Variants in MAF observed in about 807,000 individuals in gnomAD.
MAF encodes the protein transcription factor Maf.
In MAF, 10 loss-of-function variants were observed where a neutral mutation model predicts 22.0. The observed-to-expected ratio is 0.45, with a 90% CI of 0.28 to 0.77. MAF has a LOEUF of 0.77. MAF is among the 30% of genes least tolerant of loss of function. The probability of loss-of-function intolerance (pLI) is 0.12; values close to 1 mark genes in which losing one functional copy is unlikely to be tolerated. For synonymous variants in MAF, 337 were observed against 255.8 expected (o/e 1.32, Z -3.03); for missense variants, 544 against 548.4 (o/e 0.99, Z 0.08).
the MAF span, among the ~76,000 whole-genome samples, chr16:79,526,999 CAT>C: frequency 1.3e-5 from 2 of 152,134 alleles, no homozygotes; most frequent in South Asian, 4.1e-4. Flanking sequence ...AAGAATGACT[CAT>C]AGAATTTCTG....
At chr16:79,249,278 A>G in the MAF span, among the ~76,000 whole-genome samples, 87,731 of 151,860 alleles carry the variant, frequency 0.58, 26,501 homozygotes, top group Non-Finnish European at 0.69. Context: ...AAGTAGCCGG[A>G]TGTGGTGGTG....
At chr16:79,478,284 T>C in the MAF span, among the ~76,000 whole-genome samples, 14 of 152,334 alleles carry the variant, frequency 9.2e-5, no homozygotes, top group East Asian at 1.9e-3. Flanking sequence ...GTCCACACTT[T>C]ACAGGGCTAC....
chr16:79,564,952 A>G, the MAF span, among the ~76,000 whole-genome samples: 1 of 152,184 alleles, frequency 6.6e-6, no homozygotes, highest in South Asian at 2.1e-4. Context: ...GGTGTAAAAA[A>G]TGTGGTACCT....
At chr16:79,586,706 T>C (rs1228078228) in intron 1 of MAF, among the ~76,000 whole-genome samples, 1 of 152,216 alleles carries the variant, frequency 6.6e-6, no homozygotes, top group East Asian at 1.9e-4. Context: ...AAAATAATTA[T>C]CATTTACTGT....
At chr16:79,235,059 C>A in the MAF span, among the ~76,000 whole-genome samples, 21 of 152,246 alleles carry the variant, frequency 1.4e-4, no homozygotes, top group Non-Finnish European at 2.8e-4. Flanking sequence ...TGACCCTCAG[C>A]TTACAGACAG....
At chr16:79,432,005 C>T in the MAF span, among the ~76,000 whole-genome samples, 4 of 152,030 alleles carry the variant, frequency 2.6e-5, no homozygotes, top group African/African-American at 9.7e-5. Context: ...ACGGATATTT[C>T]CAAACCCTAT....
the MAF span, among the ~76,000 whole-genome samples, chr16:79,350,894 T>C: frequency 6.6e-6 from 1 of 151,758 alleles, no homozygotes; most frequent in African/African-American, 2.4e-5. Context: ...TGTGTGTGTG[T>C]GTGTGTGTGC....
At chr16:79,255,440 T>G in the MAF span, among the ~76,000 whole-genome samples, 1 of 152,212 alleles carries the variant, frequency 6.6e-6, no homozygotes, top group African/African-American at 2.4e-5. Flanking sequence ...TGCCTTCTTT[T>G]CAGAATGAAT....
the MAF span, among the ~76,000 whole-genome samples, chr16:79,397,066 C>G: frequency 6.6e-6 from 1 of 152,218 alleles, no homozygotes; most frequent in Non-Finnish European, 1.5e-5. Flanking sequence ...AAAATGCCGA[C>G]CTCATCCAGG....
the MAF span, among the ~76,000 whole-genome samples, chr16:79,250,556 A>G: frequency 4.6e-5 from 7 of 152,148 alleles, no homozygotes; most frequent in African/African-American, 1.7e-4. Flanking sequence ...TTTCCCAGGT[A>G]AGAATCAGTC....
At chr16:79,524,393 A>C in the MAF span, among the ~76,000 whole-genome samples, 20 of 152,286 alleles carry the variant, frequency 1.3e-4, no homozygotes, top group African/African-American at 4.8e-4. Flanking sequence ...ATTTATTTGC[A>C]ACTGGCAAAT....
the MAF span, chr16:79,203,479 C>T: frequency 6.6e-6 from 1 of 150,980 alleles, no homozygotes; most frequent in African/African-American, 2.4e-5. Context: ...TGATGTGGCC[C>T]CAGCGGAGAC....
chr16:79,315,256 A>C, the MAF span, among the ~76,000 whole-genome samples: 1 of 152,174 alleles, frequency 6.6e-6, no homozygotes, highest in African/African-American at 2.4e-5. Flanking sequence ...ACCATAGAAC[A>C]TATCAGGGTG....
chr16:79,329,529 G>C, the MAF span, among the ~76,000 whole-genome samples: 1 of 152,028 alleles, frequency 6.6e-6, no homozygotes, highest in East Asian at 1.9e-4. Flanking sequence ...TCTCCGTCTA[G>C]AGTCCCCCAA....
chr16:79,293,851 G>A, the MAF span, among the ~76,000 whole-genome samples: 15 of 152,004 alleles, frequency 9.9e-5, no homozygotes, highest in African/African-American at 3.6e-4. Context: ...GAGAGAGAGA[G>A]AGAGAGAGAG....
At chr16:79,560,725 G>T in the MAF span, among the ~76,000 whole-genome samples, 1 of 152,100 alleles carries the variant, frequency 6.6e-6, no homozygotes, top group African/African-American at 2.4e-5. Flanking sequence ...GAAGTCACTG[G>T]AAATTGGCTA....
the MAF span, among the ~76,000 whole-genome samples, chr16:79,268,468 C>G: frequency 6.6e-6 from 1 of 152,082 alleles, no homozygotes; most frequent in Non-Finnish European, 1.5e-5. Flanking sequence ...TGAATTCAGA[C>G]AATGCATAGT....
At chr16:79,506,601 C>G in the MAF span, among the ~76,000 whole-genome samples, 2 of 152,022 alleles carry the variant, frequency 1.3e-5, no homozygotes, top group Admixed American at 1.3e-4. Flanking sequence ...AGAAGAGGGG[C>G]CAGAGAGGAA....
the MAF span, among the ~76,000 whole-genome samples, chr16:79,243,220 T>G: frequency 6.6e-6 from 1 of 151,862 alleles, no homozygotes; most frequent in East Asian, 1.9e-4. Flanking sequence ...GTGAAGGTGA[T>G]AGAGACACAA....
Sources: gnomAD v4.1 joint callset for allele counts (sites outside exome capture counted in the v4.1 genomes callset) on GRCh38, gnomAD v4.1.1 for gene constraint, MANE v1.5 for transcripts, NCBI Gene and HGNC (gene_info 2026-07-23, HGNC 2026-07-21) for gene names.